PTPRD: variants seen among roughly 807,000 people sequenced by gnomAD.
The protein encoded by PTPRD is protein tyrosine phosphatase receptor type D, also known as receptor-type tyrosine-protein phosphatase delta.
Under a neutral mutation model 214.5 loss-of-function variants are expected in PTPRD, and 34 were observed. That is an observed-to-expected ratio of 0.16 (90% CI 0.12 to 0.21). The LOEUF is 0.21. Ranked by LOEUF, PTPRD falls within the 10% of genes least tolerant of loss-of-function variation. The pLI is 1.00. For missense variants in PTPRD, 2,545 were observed against 2,398.7 expected, an observed-to-expected ratio of 1.06 and a Z score of -1.27; for synonymous variants, 1,128 against 845.7, an observed-to-expected ratio of 1.33 and a Z score of -5.79.
intron 3 of PTPRD, among the ~76,000 whole-genome samples, chr9:10,072,429 G>A (rs1309164117): frequency 2.6e-5 from 4 of 152,174 alleles, no homozygotes; most frequent in East Asian, 3.9e-4. Context: ...CGCAGTGAGC[G>A]TTATAGCTCT....
intron 14 of PTPRD, among the ~76,000 whole-genome samples, chr9:8,560,472 CAT>C (rs112868505): frequency 0.22 from 30,809 of 139,240 alleles, 3,931 homozygotes; most frequent in African/African-American, 0.44. Flanking sequence ...CACACACACA[CAT>C]ATATACACTG....
At chr9:8,713,734 G>A (rs3802397) in intron 12 of PTPRD, 17,071 of 1,507,320 alleles carry the variant, frequency 0.011, 293 homozygotes, top group South Asian at 0.052. Context: ...CCGGCAGGCT[G>A]TCAAGCAGTT....
At chr9:9,197,262 C>T (rs2099939127) in intron 9 of PTPRD, among the ~76,000 whole-genome samples, 1 of 152,080 alleles carries the variant, frequency 6.6e-6, no homozygotes, top group African/African-American at 2.4e-5. Context: ...ATTAATAAAT[C>T]CTATCACTCC....
At chr9:10,611,442 A>G (rs2133818227) in intron 2 of PTPRD, among the ~76,000 whole-genome samples, 1 of 152,354 alleles carries the variant, frequency 6.6e-6, no homozygotes, top group Non-Finnish European at 1.5e-5. Context: ...GACATAACAC[A>G]AAGGTTTTAT....
chr9:10,101,949 G>A (rs2098555385), intron 3 of PTPRD, among the ~76,000 whole-genome samples: 1 of 151,598 alleles, frequency 6.6e-6, no homozygotes, highest in Non-Finnish European at 1.5e-5. Context: ...TTAGCTACAA[G>A]AAGAAAAGCC....
At chr9:10,541,463 G>C (rs1423760949) in intron 2 of PTPRD, among the ~76,000 whole-genome samples, 2 of 151,912 alleles carry the variant, frequency 1.3e-5, no homozygotes, top group African/African-American at 4.8e-5. Flanking sequence ...ATTTTCAATT[G>C]TCTGTTGATT....
chr9:8,961,457 C>T (rs1296633957), intron 11 of PTPRD, among the ~76,000 whole-genome samples: 1 of 152,098 alleles, frequency 6.6e-6, no homozygotes, highest in African/African-American at 2.4e-5. Context: ...TTCTGCACTT[C>T]TTTCCACTAG....
At chr9:10,125,622 T>TTGTGTGTGTGTGTGTGTGTG (rs35164422) in intron 3 of PTPRD, among the ~76,000 whole-genome samples, 52 of 139,312 alleles carry the variant, frequency 3.7e-4, no homozygotes, top group Admixed American at 8.8e-4. Flanking sequence ...GCTCGGCTAA[T>TTGTGTGTGTGTGTGTGTGTG]TGTGTGTGTG....
chr9:9,460,682 CA>C (rs2093575660), intron 8 of PTPRD, among the ~76,000 whole-genome samples: 1 of 151,734 alleles, frequency 6.6e-6, no homozygotes, highest in Non-Finnish European at 1.5e-5. Flanking sequence ...AGCATGTTGG[CA>C]AAGATGTGGA....
At position 8,920,344 on chromosome 9, in the gene PTPRD, AT is replaced by A. The variant is rs536485801; in HGVS notation, c.-104+98352del. Among the ~76,000 whole-genome samples, 543 of 152,268 alleles carry A rather than the reference AT, an allele frequency of 3.6e-3. 3 individuals are homozygous for A. The highest frequency in any genetic ancestry group is 0.012 in the African/African-American group (519 of 41,542). On this transcript the variant is annotated intron_variant, in intron 11 of 45. Transcript: ENST00000381196. Reference sequence around the variant, plus strand: ...TGACAGAGTGAGACTCCAAAAAAAAATATTAAGACAATATTTTTTCTTAAAT... The same window carrying A: ...TGACAGAGTGAGACTCCAAAAAAAAAATTAAGACAATATTTTTTCTTAAAT...
At chr9:10,104,533 A>G (rs1292114093) in intron 3 of PTPRD, among the ~76,000 whole-genome samples, 4 of 151,784 alleles carry the variant, frequency 2.6e-5, no homozygotes, top group Non-Finnish European at 5.9e-5. Flanking sequence ...AGCCAAAATT[A>G]TGAAAATAAC....
chr9:9,050,698 C>CCTAG (rs1352677266), intron 10 of PTPRD, among the ~76,000 whole-genome samples: 1 of 17,094 alleles, frequency 5.9e-5, no homozygotes, highest in Admixed American at 1.3e-3. Context: ...CTACCTACCT[C>CCTAG]TTAGTAGCTG....
chr9:10,564,135 A>T (rs1185936702), intron 2 of PTPRD, among the ~76,000 whole-genome samples: 1 of 129,942 alleles, frequency 7.7e-6, no homozygotes, highest in East Asian at 2.4e-4. Flanking sequence ...GAGTGCTGGG[A>T]CTACTCGGGA....
chr9:9,396,800 G>C (rs2068014674), intron 9 of PTPRD, among the ~76,000 whole-genome samples: 1 of 151,938 alleles, frequency 6.6e-6, no homozygotes, highest in African/African-American at 2.4e-5. Flanking sequence ...ATTTTATGTA[G>C]AGTCTTCTTT....
chr9:8,342,624 C>G (rs1022605571), intron 39 of PTPRD, among the ~76,000 whole-genome samples: 9 of 152,072 alleles, frequency 5.9e-5, no homozygotes, highest in Non-Finnish European at 1.0e-4. Context: ...AGGCAACAGA[C>G]AGCCTCCTTC....
chr9:8,759,662 T>C (rs1422833530), intron 11 of PTPRD, among the ~76,000 whole-genome samples: 1 of 151,976 alleles, frequency 6.6e-6, no homozygotes, highest in Admixed American at 6.6e-5. Context: ...CCTACTCATT[T>C]CACTATGTTT....
chr9:8,850,683 A>T (rs772253170), intron 11 of PTPRD, among the ~76,000 whole-genome samples: 1 of 152,188 alleles, frequency 6.6e-6, no homozygotes, highest in African/African-American at 2.4e-5. Context: ...TAAGACATAA[A>T]TCAATGTATC....
intron 8 of PTPRD, among the ~76,000 whole-genome samples, chr9:9,482,178 G>A (rs1234022203): frequency 6.6e-6 from 1 of 151,688 alleles, no homozygotes; most frequent in Non-Finnish European, 1.5e-5. Context: ...GTGGGGTGCT[G>A]GAAATTTTAA....
intron 3 of PTPRD, among the ~76,000 whole-genome samples, chr9:10,070,434 C>T (rs1178117661): frequency 6.6e-6 from 1 of 151,964 alleles, no homozygotes; most frequent in Non-Finnish European, 1.5e-5. Flanking sequence ...ATCTTTGTAG[C>T]ATTGAGAGTA....
Sources: gnomAD v4.1 joint callset for allele counts (sites outside exome capture counted in the v4.1 genomes callset) on GRCh38, gnomAD v4.1.1 for gene constraint, MANE v1.5 for transcripts, NCBI Gene and HGNC (gene_info 2026-07-23, HGNC 2026-07-21) for gene names.